Variants in MGST2 observed in about 807,000 individuals in gnomAD.
MGST2 encodes microsomal glutathione S-transferase 2.
A neutral mutation model predicts 16.6 loss-of-function variants in MGST2; 9 were observed. The observed-to-expected ratio is 0.54, with a 90% CI of 0.33 to 0.95. The LOEUF (loss-of-function observed/expected upper bound fraction) is 0.95, where lower values mean the gene tolerates loss of function less well. Among genes scored for constraint, MGST2 ranks in the 40% least tolerant of loss-of-function variants. The pLI is 0.03. For missense variants in MGST2, 159 were observed against 175.1 expected, an observed-to-expected ratio of 0.91 and a Z score of 0.52; for synonymous variants, 79 against 68.0, an observed-to-expected ratio of 1.16 and a Z score of -0.79.
chr4:139,720,146 G>C (rs542637187), intron 5 of MGST2: 3 of 1,614,096 alleles, frequency 1.9e-6, no homozygotes, highest in East Asian at 4.5e-5. Flanking sequence ...TTGGCTGGTA[G>C]GCGTGGTGCT....
At chr4:139,750,201 T>C in the MGST2 span, among the ~76,000 whole-genome samples, 2 of 152,118 alleles carry the variant, frequency 1.3e-5, no homozygotes, top group Non-Finnish European at 2.9e-5. Context: ...AGGGTTCAGA[T>C]CCCCTGGGTG....
chr4:139,752,521 A>C, the MGST2 span, among the ~76,000 whole-genome samples: 1 of 152,176 alleles, frequency 6.6e-6, no homozygotes, highest in Non-Finnish European at 1.5e-5. Context: ...CTTTGGGGTC[A>C]AAAAGAGGAT....
Position 139,735,866 on chromosome 4 carries a change from G to A in MGST2, c.*49-4346G>A, listed in dbSNP as rs956376974. Among the ~76,000 whole-genome samples, 3 of 152,060 alleles carry A rather than the reference G, an allele frequency of 2.0e-5. No individual in the cohort carries two copies. Among genetic ancestry groups the A allele is most frequent in the African/African-American group, 7.2e-5 (3 of 41,516 alleles). On this transcript the variant is annotated intron_variant, in intron 5 of 5. Coordinates refer to the MGST2 transcript ENST00000616265. This position sits in a 1 kb window ranked among gnomAD's most constrained non-coding sequence, Gnocchi z 5.8. ...CGGGCGCGGGCAGGGGCGGTGCGGC[G>A]GCGCTCGGGAGACCCGCGAGGGGCC...
chr4:139,666,128 G>GTA, intron 1 of MGST2, 51 bp downstream of exon 1: 1 of 1,568,100 alleles, frequency 6.4e-7, no homozygotes, highest in East Asian at 2.2e-5. Flanking sequence ...GTGTGTGTGT[G>GTA]TGTGTGACAA....
chr4:139,671,152 C>A (rs780866453), intron 1 of MGST2, among the ~76,000 whole-genome samples: 2 of 152,154 alleles, frequency 1.3e-5, no homozygotes, highest in Non-Finnish European at 2.9e-5. Flanking sequence ...TGTGCCTAAA[C>A]TCCAAAAGGG....
intron 5 of MGST2, among the ~76,000 whole-genome samples, chr4:139,728,635 C>T (rs180755500): frequency 6.6e-6 from 1 of 152,312 alleles, no homozygotes; most frequent in African/African-American, 2.4e-5. Context: ...ACAGTTGCTA[C>T]GGAATGATCC....
Position 139,665,994 on chromosome 4 carries a change from G to T in MGST2, c.-26G>T, listed in dbSNP as rs551731866. 1.2e-6 allele frequency: 2 copies of T among 1,613,384 alleles called. No individual in the cohort carries two copies. Among genetic ancestry groups the T allele is most frequent in the East Asian group, 4.5e-5 (2 of 44,864 alleles). ...AGAAGCGCCATTTATCTTCCCGTGC[G>T]CTCTACAAATAGTTCCGTGAGAAAG... On this transcript the variant is annotated 5_prime_UTR_variant, in exon 1 of 5. Coordinates refer to ENST00000265498, the MANE Select transcript of MGST2 (RefSeq NM_002413.5).
At chr4:139,722,739 T>C (rs568409312) in intron 5 of MGST2, among the ~76,000 whole-genome samples, 1 of 152,302 alleles carries the variant, frequency 6.6e-6, no homozygotes, top group Non-Finnish European at 1.5e-5. Flanking sequence ...TTGAAATGTA[T>C]AATGGTGAGA....
chr4:139,698,580 C>T (rs1358585236), intron 3 of MGST2: 11 of 792,754 alleles, frequency 1.4e-5, no homozygotes, highest in South Asian at 6.3e-5. Flanking sequence ...TTACTTACCC[C>T]CCTTCTCCTT....
chr4:139,702,576 T>A (rs1727307552), intron 3 of MGST2, among the ~76,000 whole-genome samples: 1 of 152,350 alleles, frequency 6.6e-6, no homozygotes, highest in South Asian at 2.1e-4. Context: ...TCCATTCTCC[T>A]GTTGATAGGC....
chr4:139,751,816 A>G, the MGST2 span, among the ~76,000 whole-genome samples: 1 of 152,230 alleles, frequency 6.6e-6, no homozygotes, highest in Non-Finnish European at 1.5e-5. Flanking sequence ...TTACAATGAC[A>G]TCTTTGACCT....
chr4:139,703,616 T>G (rs1727395051), intron 4 of MGST2, 80 bp downstream of exon 4: 9 of 1,306,202 alleles, frequency 6.9e-6, no homozygotes, highest in Non-Finnish European at 1.1e-6. Flanking sequence ...TCCTGAGAGA[T>G]ATTAACAGCA....
chr4:139,680,909 C>T (rs1228536702), intron 2 of MGST2, among the ~76,000 whole-genome samples: 2 of 152,190 alleles, frequency 1.3e-5, no homozygotes, highest in African/African-American at 4.8e-5. Context: ...GCCTGGCCTA[C>T]TGTCCCGAGA....
chr4:139,737,194 A>G (rs1579377542), intron 5 of MGST2, among the ~76,000 whole-genome samples: 3 of 152,196 alleles, frequency 2.0e-5, no homozygotes, highest in South Asian at 2.1e-4. Context: ...TGATTTGAGG[A>G]AAGTTCCCTC....
At chr4:139,698,591 C>T (rs772525481) in intron 3 of MGST2, 14 of 795,424 alleles carry the variant, frequency 1.8e-5, no homozygotes, top group African/African-American at 1.7e-4. Context: ...CCTTCTCCTT[C>T]GGCTGGAGCT....
intron 5 of MGST2, among the ~76,000 whole-genome samples, chr4:139,723,500 CG>C (rs1728343056): frequency 6.6e-6 from 1 of 152,022 alleles, no homozygotes; most frequent in Admixed American, 6.6e-5. Context: ...TTAGTAGAGA[CG>C]GGGTTTCTCC....
chr4:139,689,430 G>A lies in MGST2; in HGVS notation c.159-5767G>A, dbSNP rs918243597. Among the ~76,000 whole-genome samples, 41 of 152,116 alleles carry A rather than the reference G, an allele frequency of 2.7e-4. 1 individual carries two copies. Among genetic ancestry groups the A allele is most frequent in the Non-Finnish European group, 2.1e-4 (14 of 68,020 alleles). ...CAAGGAGCAATTTAGACAGTTACAC[G>A]TCTTTATAAAAAGATTAACTCCAGC... On this transcript the variant is annotated intron_variant, in intron 2 of 4. Transcript: ENST00000265498.
At chr4:139,754,124 C>A in the MGST2 span, among the ~76,000 whole-genome samples, 1 of 152,184 alleles carries the variant, frequency 6.6e-6, no homozygotes, top group African/African-American at 2.4e-5. Flanking sequence ...GGCATATGCC[C>A]TATGACTGAA....
At chr4:139,698,453 T>A in intron 3 of MGST2, 1 of 1,157,182 alleles carries the variant, frequency 8.6e-7, no homozygotes. Context: ...TCTTCACCCC[T>A]CCAGTAGAGG....
Sources: allele counts gnomAD v4.1 joint callset (sites outside exome capture counted in the v4.1 genomes callset), GRCh38; gene constraint gnomAD v4.1.1; non-coding constraint Gnocchi (gnomAD v3.1); transcripts MANE v1.5; gene names NCBI Gene and HGNC (gene_info 2026-07-23, HGNC 2026-07-21).